The following USP39 variants were observed in gnomAD, a reference collection of about 807,000 sequenced individuals.
USP39 encodes the protein ubiquitin specific peptidase 39, also known as ubiquitin carboxyl-terminal hydrolase 39.
In USP39, 38 loss-of-function variants were observed where a neutral mutation model predicts 66.4. The ratio of observed to expected loss-of-function variants is 0.57; its 90% CI spans 0.44 to 0.75. The LOEUF (loss-of-function observed/expected upper bound fraction) is 0.75, where lower values mean the gene tolerates loss of function less well. USP39 is among the 30% of genes least tolerant of loss of function. The pLI is 0.00. For synonymous variants in USP39, 303 were observed against 274.6 expected (o/e 1.10, Z -1.02); for missense variants, 608 against 714.4 (o/e 0.85, Z 1.70).
chr2:85,611,835 A>G (rs1294259657), upstream of USP39: 7 of 1,603,648 alleles, frequency 4.4e-6, no homozygotes, highest in East Asian at 1.6e-4. Context: ...GGGCCAGGCC[A>G]GGCCAGGAGT....
rs1424201838 is a variant in USP39, at chr2:85,623,668, C to T, written c.456C>T (p.Ala152=). 1 of 1,613,670 alleles carries T rather than the reference C, an allele frequency of 6.2e-7. No homozygotes were observed. Among genetic ancestry groups the T allele is most frequent in the Admixed American group, 1.7e-5 (1 of 59,924 alleles). ...YFQGRGLKSH[A]YIHSVQFSHH... ...CAGGCCGGGGTTTGAAGTCTCACGCCTACATTCACAGTGTCCAGTTTAGCC... is the reference window on the plus strand; with the variant it reads ...CAGGCCGGGGTTTGAAGTCTCACGCTTACATTCACAGTGTCCAGTTTAGCC... The change falls in exon 4 of 13, where the codon GCC becomes GCT. Residue 152 remains alanine (A), a synonymous_variant. Coordinates refer to ENST00000323701, the MANE Select transcript of USP39 (RefSeq NM_006590.4).
At position 85,621,606 on chromosome 2, in the gene USP39, A is replaced by G. The variant is rs756286469; in HGVS notation, c.433+27A>G. 24 of 1,577,970 alleles carry G rather than the reference A, an allele frequency of 1.5e-5. No individual in the cohort carries two copies. The South Asian group carries it at 2.6e-4, about 17-fold the overall frequency. ...TAAATAAGTTGTTAGAGCTAACTGC[A>G]GATCTGCTCCAGAGGGACTTTTTTT... is the stretch of plus-strand genomic sequence containing the variant. On this transcript the variant is annotated intron_variant, in intron 3 of 12. Transcript: ENST00000323701.
upstream of USP39, chr2:85,608,944 G>A: frequency 6.2e-7 from 1 of 1,614,128 alleles, no homozygotes; most frequent in East Asian, 2.2e-5. Context: ...CTTCAACATG[G>A]TCAGTGTTGG....
At chr2:85,616,147 G>T (rs1422839074), upstream of USP39, 2 of 1,400,396 alleles carry the variant, frequency 1.4e-6, no homozygotes, top group South Asian at 1.7e-5. Context: ...TGTGCCGCGC[G>T]CTCGAGCGTG....
chr2:85,628,437 G>T (rs1229659071), intron 5 of USP39, among the ~76,000 whole-genome samples: 7 of 152,130 alleles, frequency 4.6e-5, no homozygotes, highest in Non-Finnish European at 8.8e-5. Context: ...GAGCCACCGC[G>T]CCCTGCCGAG....
Position 85,631,313 on chromosome 2 carries a change from CTT to C in USP39, c.949+386_949+387del, listed in dbSNP as rs57173306. Among the ~76,000 whole-genome samples the C allele has an allele frequency of 1.4e-3, 173 of 126,196 alleles. 1 individual carries two copies. The highest frequency in any genetic ancestry group is 0.011 in the South Asian group (45 of 3,998). The allele number at this position is 126,196 out of a possible 152,430, so 82.8% of individuals were successfully genotyped here. ...ACAGGCATGAGCCACTGCGCCCGGC[CTT>C]TTTTTTTTTTTTTTTTTTAAGAGAC... is the stretch of plus-strand genomic sequence containing the variant. On this transcript the variant is annotated intron_variant, in intron 6 of 12. Transcript: ENST00000323701.
chr2:85,608,878 T>C, upstream of USP39: 4 of 1,591,822 alleles, frequency 2.5e-6, no homozygotes, highest in Non-Finnish European at 3.4e-6. Context: ...ACCCCCACAC[T>C]AAATTCCCTG....
intron 3 of USP39, among the ~76,000 whole-genome samples, chr2:85,621,834 T>C (rs1446926207): frequency 6.6e-6 from 1 of 150,418 alleles, no homozygotes; most frequent in African/African-American, 2.5e-5. Flanking sequence ...CTAATATATG[T>C]ATTTTTTTAA....
upstream of USP39, chr2:85,612,206 C>CTTTTGT (rs1673605007): frequency 1.7e-6 from 2 of 1,166,940 alleles, no homozygotes; most frequent in Non-Finnish European, 2.4e-6. Context: ...GGACGGAGGG[C>CTTTTGT]TTTTGTTTTT....
At chr2:85,639,524 G>A (rs1406333575) in intron 9 of USP39, 133 bp downstream of exon 9, 9 of 889,584 alleles carry the variant, frequency 1.0e-5, no homozygotes, top group African/African-American at 8.9e-5. Flanking sequence ...GCGTGATTTC[G>A]GCTGACTGCA....
chr2:85,636,650 C>T (rs902955670), intron 7 of USP39, among the ~76,000 whole-genome samples: 5 of 152,122 alleles, frequency 3.3e-5, no homozygotes, highest in Admixed American at 2.6e-4. Flanking sequence ...GGATTACAGG[C>T]ACCCACTACC....
chr2:85,616,922 C>T (rs111248610), intron 1 of USP39, among the ~76,000 whole-genome samples: 11,580 of 151,772 alleles, frequency 0.076, 1,496 homozygotes, highest in African/African-American at 0.26. Context: ...GATCTCCTGA[C>T]TTCGTGATCC....
chr2:85,630,917 G>A lies in USP39; in HGVS notation c.920G>A (p.Ser307Asn). 6.2e-7 allele frequency: 1 copy of A among 1,614,156 alleles called. No individual in the cohort carries two copies. The highest frequency in any genetic ancestry group is 1.7e-5 in the Admixed American group (1 of 59,990). ...HEMLQAVVLC[S>N]KKTFQITKQG... The stretch of plus-strand genomic sequence containing the variant: ...ATGCTTCAGGCAGTTGTACTTTGCA[G>A]TAAGAAGACTTTTCAGATCACCAAA... The change falls in exon 6 of 13, where the codon AGT (serine) becomes AAT (asparagine). Residue 307 changes from serine (S) to asparagine (N), a missense_variant. Around this residue, in one of 6 missense-constraint regions of USP39, gnomAD observed 72 missense variants for 60.1 expected, o/e 1.20. Transcript: ENST00000323701.
chr2:85,626,885 G>C lies in USP39; in HGVS notation c.723+1194G>C, dbSNP rs188447601. 3.8e-3 allele frequency among the ~76,000 whole-genome samples: 576 copies of C among 151,604 alleles called. 5 individuals carry two copies. Among genetic ancestry groups the C allele is most frequent in the African/African-American group, 0.014 (558 of 41,332 alleles). ...GGCGCCTGCCACTGTGCCTGGCTAA[G>C]TTTTGTAGAGACAGGGTTGTAGTAG... On this transcript the variant is annotated intron_variant, in intron 5 of 12. Transcript: ENST00000323701.
chr2:85,627,690 T>G (rs1406113952), intron 5 of USP39, among the ~76,000 whole-genome samples: 1 of 151,978 alleles, frequency 6.6e-6, no homozygotes, highest in Non-Finnish European at 1.5e-5. Flanking sequence ...TCCTAGCTGT[T>G]TGGGAGGCTG....
upstream of USP39, among the ~76,000 whole-genome samples, chr2:85,614,077 G>A (rs191010366): frequency 8.6e-4 from 131 of 152,094 alleles, no homozygotes; most frequent in Admixed American, 1.2e-3. Flanking sequence ...CCCAGATCCC[G>A]TCTCTTGATT....
rs1160892158 is a variant in USP39, at chr2:85,641,735, CTACAAAAAAA to C, written c.1427+627_1427+636del. On this transcript the variant is annotated intron_variant, in intron 10 of 12. Coordinates refer to ENST00000323701, the MANE Select transcript of USP39 (RefSeq NM_006590.4). ...TAGGCAACATGGCAAAACCCCATCTCTACAAAAAAATACAAAAAATTAGCCAGATGTGGTG... is the reference window on the plus strand; with the variant it reads ...TAGGCAACATGGCAAAACCCCATCTCTACAAAAAATTAGCCAGATGTGGTG... Among the ~76,000 whole-genome samples the C allele has an allele frequency of 2.6e-3, 389 of 151,824 alleles. 3 individuals are homozygous for C. Among genetic ancestry groups the C allele is most frequent in the African/African-American group, 9.0e-3 (372 of 41,420 alleles).
intron 1 of USP39, among the ~76,000 whole-genome samples, chr2:85,604,528 A>G (rs560810373): frequency 1.3e-5 from 2 of 152,210 alleles, no homozygotes. Context: ...CCCTGTCCTT[A>G]AACACATTAG....
At chr2:85,611,782 C>T, upstream of USP39, 1 of 1,611,756 alleles carries the variant, frequency 6.2e-7, no homozygotes, top group South Asian at 1.1e-5. Context: ...TTGTCATAGT[C>T]GTCCCTGCGG....
Sources: gnomAD v4.1 joint callset for allele counts (sites outside exome capture counted in the v4.1 genomes callset) on GRCh38, gnomAD v4.1.1 for gene constraint, gnomAD v4.1.1 regional missense constraint, MANE v1.5 for transcripts, NCBI Gene and HGNC (gene_info 2026-07-23, HGNC 2026-07-21) for gene names.